The following CNTNAP2 variants were observed in gnomAD, a reference collection of about 807,000 sequenced individuals.
The protein encoded by CNTNAP2 is contactin associated protein 2.
Under a neutral mutation model 155.2 loss-of-function variants are expected in CNTNAP2, and 98 were observed. That is an observed-to-expected ratio of 0.63 (90% CI 0.54 to 0.75). The LOEUF (loss-of-function observed/expected upper bound fraction) is 0.75, where lower values mean the gene tolerates loss of function less well. CNTNAP2 is among the 30% of genes least tolerant of loss of function. The probability of loss-of-function intolerance (pLI) is 0.00; values close to 1 mark genes in which losing one functional copy is unlikely to be tolerated. For missense variants in CNTNAP2, 1,727 were observed against 1,688.1 expected (o/e 1.02, Z -0.40); for synonymous variants, 651 against 631.2 (o/e 1.03, Z -0.47).
chr7:147,774,684 G>A (rs902344913), intron 13 of CNTNAP2, among the ~76,000 whole-genome samples: 29 of 152,140 alleles, frequency 1.9e-4, no homozygotes, highest in Admixed American at 5.9e-4. Context: ...CTGCACATAA[G>A]GGAGAGAGCC....
intron 15 of CNTNAP2, among the ~76,000 whole-genome samples, chr7:148,100,053 G>A (rs995532115): frequency 2.0e-5 from 3 of 151,674 alleles, no homozygotes; most frequent in Non-Finnish European, 4.4e-5. Context: ...TGTATTTTTA[G>A]TAGAGACGGG....
intron 17 of CNTNAP2, among the ~76,000 whole-genome samples, chr7:148,160,844 T>C (rs1805519523): frequency 6.6e-6 from 1 of 152,216 alleles, no homozygotes; most frequent in South Asian, 2.1e-4. Context: ...GTTCTGGAAA[T>C]ACCAGATATT....
intron 1 of CNTNAP2, among the ~76,000 whole-genome samples, chr7:146,255,551 T>G (rs544150884): frequency 7.9e-5 from 12 of 152,248 alleles, no homozygotes; most frequent in African/African-American, 2.2e-4. Context: ...AGTAAGCAGA[T>G]GTTGACAGGG....
intron 1 of CNTNAP2, among the ~76,000 whole-genome samples, chr7:146,716,861 G>A (rs912852429): frequency 1.3e-5 from 2 of 152,180 alleles, no homozygotes; most frequent in African/African-American, 2.4e-5. Flanking sequence ...TGCTAGACAA[G>A]GTCATACCTC....
At chr7:146,492,096 A>C (rs1447786460) in intron 1 of CNTNAP2, among the ~76,000 whole-genome samples, 1 of 152,158 alleles carries the variant, frequency 6.6e-6, no homozygotes, top group Non-Finnish European at 1.5e-5. Flanking sequence ...TTGGAACGTG[A>C]GTAAAAACAA....
At chr7:148,145,394 A>G (rs1356059937) in intron 16 of CNTNAP2, among the ~76,000 whole-genome samples, 4 of 152,238 alleles carry the variant, frequency 2.6e-5, no homozygotes, top group Admixed American at 2.0e-4. Context: ...AGTTTTTCCA[A>G]GTAGTGACAG....
intron 15 of CNTNAP2, among the ~76,000 whole-genome samples, chr7:148,074,541 TTGC>T (rs1011031070): frequency 6.6e-6 from 1 of 151,900 alleles, no homozygotes; most frequent in African/African-American, 2.4e-5. Flanking sequence ...AATACAAAAA[TTGC>T]TGGGCGTGGT....
chr7:146,751,670 A>G (rs1801905833), intron 1 of CNTNAP2, among the ~76,000 whole-genome samples: 1 of 152,064 alleles, frequency 6.6e-6, no homozygotes, highest in African/African-American at 2.4e-5. Flanking sequence ...CAGGTTTGTT[A>G]CACAGTTATA....
intron 10 of CNTNAP2, among the ~76,000 whole-genome samples, chr7:147,415,369 C>T (rs1026887824): frequency 6.6e-6 from 1 of 152,196 alleles, no homozygotes. Flanking sequence ...ATTGTCATCC[C>T]CATAATCCCC....
intron 1 of CNTNAP2, among the ~76,000 whole-genome samples, chr7:146,724,660 T>C (rs1489108645): frequency 7.2e-6 from 1 of 138,162 alleles, no homozygotes; most frequent in Non-Finnish European, 1.5e-5. Flanking sequence ...AACCTCCGAC[T>C]CCGTGGTTCA....
At chr7:146,666,194 C>G (rs1481231943) in intron 1 of CNTNAP2, among the ~76,000 whole-genome samples, 2 of 152,016 alleles carry the variant, frequency 1.3e-5, no homozygotes, top group Non-Finnish European at 1.5e-5. Flanking sequence ...ATACTTTTTA[C>G]TTTTATGAGG....
At chr7:146,727,764 G>T (rs550677168) in intron 1 of CNTNAP2, among the ~76,000 whole-genome samples, 1 of 152,294 alleles carries the variant, frequency 6.6e-6, no homozygotes, top group South Asian at 2.1e-4. Context: ...GTTAGTAGGA[G>T]AAATATCTGA....
intron 1 of CNTNAP2, among the ~76,000 whole-genome samples, chr7:146,173,737 A>G (rs896427918): frequency 6.6e-6 from 1 of 152,212 alleles, no homozygotes; most frequent in African/African-American, 2.4e-5. Context: ...GGTATGTCAT[A>G]TAGAGATCCT....
chr7:146,830,473 T>C (rs996474549), intron 2 of CNTNAP2, among the ~76,000 whole-genome samples: 6 of 152,156 alleles, frequency 3.9e-5, no homozygotes, highest in African/African-American at 1.2e-4. Flanking sequence ...TTTATATATA[T>C]ATATGTAAAG....
intron 8 of CNTNAP2, among the ~76,000 whole-genome samples, chr7:147,284,258 A>G (rs111862735): frequency 0.01 from 1,573 of 151,770 alleles, 33 homozygotes; most frequent in African/African-American, 0.036. Flanking sequence ...AGTAGTTAGC[A>G]TGAAAAGGAA....
chr7:146,259,782 G>A (rs995806104), intron 1 of CNTNAP2, among the ~76,000 whole-genome samples: 2 of 152,184 alleles, frequency 1.3e-5, no homozygotes, highest in African/African-American at 2.4e-5. Context: ...TTTGCAGCGT[G>A]ACCATGTAGA....
chr7:148,381,080 G>A (rs548037564), intron 21 of CNTNAP2, among the ~76,000 whole-genome samples: 1 of 152,364 alleles, frequency 6.6e-6, no homozygotes, highest in East Asian at 1.9e-4. Context: ...GCAGGAGCCA[G>A]GGTGAGCGCT....
intron 1 of CNTNAP2, among the ~76,000 whole-genome samples, chr7:146,173,151 T>A (rs929580614): frequency 6.6e-6 from 1 of 152,178 alleles, no homozygotes; most frequent in African/African-American, 2.4e-5. Flanking sequence ...AAAACTGGCA[T>A]TTTTAGTGAA....
At chr7:146,279,023 C>T (rs1800208181) in intron 1 of CNTNAP2, among the ~76,000 whole-genome samples, 1 of 152,012 alleles carries the variant, frequency 6.6e-6, no homozygotes, top group African/African-American at 2.4e-5. Context: ...TCTTACTGGG[C>T]TTATTATAAA....
Sources: allele counts gnomAD v4.1 joint callset (sites outside exome capture counted in the v4.1 genomes callset), GRCh38; gene constraint gnomAD v4.1.1; transcripts MANE v1.5; gene names NCBI Gene and HGNC (gene_info 2026-07-23, HGNC 2026-07-21).